TESK2: variants seen among roughly 807,000 people sequenced by gnomAD.
The protein encoded by TESK2 is testis associated actin remodelling kinase 2.
TESK2 carries 39 observed loss-of-function variants against 57.1 expected under a neutral mutation model. The observed-to-expected ratio is 0.68, with a 90% CI of 0.53 to 0.89. TESK2 has a LOEUF of 0.89. TESK2 is among the 40% of genes least tolerant of loss of function. The pLI, the probability that TESK2 is intolerant of heterozygous loss-of-function variation, is 0.00. For synonymous variants in TESK2, 249 were observed against 267.9 expected (o/e 0.93, Z 0.69); for missense variants, 646 against 732.1 (o/e 0.88, Z 1.36).
intron 1 of TESK2, among the ~76,000 whole-genome samples, chr1:45,483,866 A>G (rs1452227531): frequency 6.6e-6 from 1 of 151,584 alleles, no homozygotes; most frequent in Non-Finnish European, 1.5e-5. Context: ...GCATGGTGGC[A>G]TGCACCTGTG....
intron 2 of TESK2, among the ~76,000 whole-genome samples, chr1:45,436,178 C>CTTTTT (rs1557573084): frequency 8.5e-4 from 11 of 12,984 alleles, no homozygotes; most frequent in Admixed American, 3.5e-3. Context: ...ACATTGGTAT[C>CTTTTT]TTCTTTTTTT....
chr1:45,384,792 C>T (rs1648824477), intron 4 of TESK2, among the ~76,000 whole-genome samples: 3 of 151,698 alleles, frequency 2.0e-5, no homozygotes, highest in African/African-American at 7.3e-5. Flanking sequence ...CCCCATTATA[C>T]AGATGGAAAC....
chr1:45,421,779 T>C lies in TESK2; in HGVS notation c.290A>G (p.Asn97Ser). 1 of 1,614,116 alleles carries C rather than the reference T, an allele frequency of 6.2e-7. No individual in the cohort carries two copies. The highest frequency in any genetic ancestry group is 2.2e-5 in the East Asian group (1 of 44,876). ...KMNTLSSNRA[N>S]MLKEVQLMNR... ...CATGAGCTGTACTTCTTTCAGCATGTTTGCCCGGTTACTGCTCAATGTGTT... is the reference window on the plus strand; with the variant it reads ...CATGAGCTGTACTTCTTTCAGCATGCTTGCCCGGTTACTGCTCAATGTGTT... The change falls in exon 3 of 11, where the codon AAC becomes AGC. Residue 97 changes from asparagine (N) to serine (S), a missense_variant. Physicochemically the swap from Asn to Ser is conservative, Grantham distance 46. Transcript: ENST00000372086.
chr1:45,481,937 T>C (rs961634879), intron 1 of TESK2, among the ~76,000 whole-genome samples: 2 of 152,166 alleles, frequency 1.3e-5, no homozygotes, highest in Admixed American at 1.3e-4. Context: ...CTGCATAAAA[T>C]TGACTATAGT....
Position 45,385,805 on chromosome 1 carries a change from A to G in TESK2, c.393+107T>C. 3 of 674,294 alleles carry G rather than the reference A, an allele frequency of 4.4e-6. No individual in the cohort carries two copies. In the South Asian group the frequency reaches 6.9e-5, roughly 16 times the overall value. 41.8% of individuals were successfully genotyped at this position (674,294 alleles called of 1,614,324 possible). ...TTAACACTGCCATTTTTGCATAAAC[A>G]TAAATGCACATACATTTTGTTTACA... On this transcript the variant is annotated intron_variant, in intron 4 of 10. Coordinates refer to ENST00000372086, the MANE Select transcript of TESK2 (RefSeq NM_007170.3).
At chr1:45,476,060 A>C (rs1334943464) in intron 1 of TESK2, among the ~76,000 whole-genome samples, 2 of 152,094 alleles carry the variant, frequency 1.3e-5, no homozygotes, top group Non-Finnish European at 2.9e-5. Flanking sequence ...GTGGGACTTT[A>C]CCTTGTGATC....
chr1:45,384,752 C>T lies in TESK2; in HGVS notation c.393+1160G>A, dbSNP rs114320337. On this transcript the variant is annotated intron_variant, in intron 4 of 10. Coordinates refer to ENST00000372086, the MANE Select transcript of TESK2 (RefSeq NM_007170.3). ...TTGGTCATCTTCTCTATCTAAACTC[C>T]CTGGGGCAGGTATTATTAATTATTA... Among the ~76,000 whole-genome samples, 362 of 151,664 alleles carry T rather than the reference C, an allele frequency of 2.4e-3. 4 individuals carry two copies. Among genetic ancestry groups the T allele is most frequent in the African/African-American group, 8.5e-3 (351 of 41,356 alleles).
chr1:45,460,922 T>G (rs1483991587), intron 1 of TESK2, among the ~76,000 whole-genome samples: 1 of 152,218 alleles, frequency 6.6e-6, no homozygotes, highest in East Asian at 1.9e-4. Context: ...AAAGCTAGAC[T>G]TGAAACCAAA....
chr1:45,355,493 T>C, intron 4 of TESK2, 44 bp from the exon 5 acceptor site: 1 of 1,583,318 alleles, frequency 6.3e-7, no homozygotes, highest in Non-Finnish European at 8.6e-7. Flanking sequence ...ATCAGAAATA[T>C]TTAGGCTAGT....
intron 4 of TESK2, among the ~76,000 whole-genome samples, chr1:45,362,873 T>C (rs1267330221): frequency 6.6e-6 from 1 of 151,916 alleles, no homozygotes; most frequent in Non-Finnish European, 1.5e-5. Flanking sequence ...AGGGATGCCA[T>C]ACAATCAACT....
chr1:45,414,429 G>A (rs1650157292), intron 3 of TESK2, among the ~76,000 whole-genome samples: 2 of 152,132 alleles, frequency 1.3e-5, no homozygotes, highest in African/African-American at 4.8e-5. Context: ...TCATTTGTGG[G>A]CTTATTGGGA....
chr1:45,437,363 T>C (rs1651276717), intron 2 of TESK2, among the ~76,000 whole-genome samples: 1 of 152,168 alleles, frequency 6.6e-6, no homozygotes, highest in Admixed American at 6.5e-5. Context: ...TTCAGCTAAT[T>C]AGTGGTGTAT....
chr1:45,480,746 G>A (rs1261957678), intron 1 of TESK2, among the ~76,000 whole-genome samples: 1 of 151,676 alleles, frequency 6.6e-6, no homozygotes, highest in Non-Finnish European at 1.5e-5. Context: ...CCAGCACTTT[G>A]GGAGGCCAAG....
At chr1:45,467,866 T>C (rs1159219734) in intron 1 of TESK2, among the ~76,000 whole-genome samples, 1 of 152,072 alleles carries the variant, frequency 6.6e-6, no homozygotes, top group African/African-American at 2.4e-5. Flanking sequence ...GCCTAACTTA[T>C]TTAAGTCCAC....
chr1:45,395,953 G>A (rs1157999167), intron 3 of TESK2, among the ~76,000 whole-genome samples: 2 of 152,028 alleles, frequency 1.3e-5, no homozygotes, highest in Non-Finnish European at 1.5e-5. Context: ...AAAAACACTT[G>A]CTGGGTAAAT....
At chr1:45,417,179 T>C (rs1650277975) in intron 3 of TESK2, among the ~76,000 whole-genome samples, 1 of 152,142 alleles carries the variant, frequency 6.6e-6, no homozygotes, top group African/African-American at 2.4e-5. Context: ...CTTATTTCAT[T>C]TAGTGTAACA....
intron 2 of TESK2, among the ~76,000 whole-genome samples, chr1:45,426,903 A>C (rs1650717864): frequency 6.6e-6 from 1 of 152,196 alleles, no homozygotes; most frequent in Non-Finnish European, 1.5e-5. Context: ...ATGAGATATC[A>C]TCTCACCCTA....
intron 4 of TESK2, among the ~76,000 whole-genome samples, chr1:45,374,347 A>G (rs1168766466): frequency 6.6e-6 from 1 of 152,206 alleles, no homozygotes; most frequent in East Asian, 1.9e-4. Flanking sequence ...AAAGACTAGT[A>G]AGTACAGGAT....
At chr1:45,451,350 G>A (rs1274938996) in intron 2 of TESK2, among the ~76,000 whole-genome samples, 1 of 152,176 alleles carries the variant, frequency 6.6e-6, no homozygotes, top group African/African-American at 2.4e-5. Flanking sequence ...TAACTCATCT[G>A]GGGCAGCAGA....
Sources: gnomAD v4.1 joint callset for allele counts (sites outside exome capture counted in the v4.1 genomes callset) on GRCh38, gnomAD v4.1.1 for gene constraint, MANE v1.5 for transcripts, NCBI Gene and HGNC (gene_info 2026-07-23, HGNC 2026-07-21) for gene names.